Variants in MSR1 observed in about 807,000 individuals in gnomAD.
MSR1 encodes the protein macrophage scavenger receptor 1.
MSR1 carries 53 observed loss-of-function variants against 47.2 expected under a neutral mutation model. That is an observed-to-expected ratio of 1.12 (90% CI 0.90 to 1.41). MSR1 has a LOEUF of 1.41. MSR1 is among the 40% of genes most tolerant of loss of function. The probability of loss-of-function intolerance (pLI) is 0.00; values close to 1 mark genes in which losing one functional copy is unlikely to be tolerated. For missense variants in MSR1, 786 were observed against 546.9 expected (o/e 1.44, Z -4.36); for synonymous variants, 239 against 185.6 (o/e 1.29, Z -2.34).
rs926661491 is a variant in MSR1, at chr8:16,168,311, A to C, written c.630+147T>G. 3 of 779,760 alleles carry C rather than the reference A, an allele frequency of 3.8e-6. No individual in the cohort carries two copies. In the African/African-American group the frequency reaches 5.2e-5, roughly 14 times the overall value. 48.3% of individuals were successfully genotyped at this position (779,760 alleles called of 1,614,324 possible). ...ATTTTAAATCCCTTAACATTCGTTT[A>C]AAATCTGGATAAGTTAGCCATAGAA... On this transcript the variant is annotated intron_variant, in intron 4 of 9. Coordinates refer to ENST00000262101, the MANE Select transcript of MSR1 (RefSeq NM_138715.3).
Position 16,156,733 on chromosome 8 carries a change from A to G in MSR1, c.818-1589T>C, listed in dbSNP as rs141870926. Among the ~76,000 whole-genome samples, 890 of 151,994 alleles carry G rather than the reference A, an allele frequency of 5.9e-3. 14 individuals are homozygous for G. The highest frequency in any genetic ancestry group is 0.02 in the African/African-American group (811 of 41,500). On this transcript the variant is annotated intron_variant, in intron 5 of 9. Transcript: ENST00000262101. ...TTTTTTTTCCACATAATCGTCATGCAAACAACATGTTACAGGGCTTTTAGA... is the reference window on the plus strand; with the variant it reads ...TTTTTTTTCCACATAATCGTCATGCGAACAACATGTTACAGGGCTTTTAGA...
intron 8 of MSR1, among the ~76,000 whole-genome samples, chr8:16,134,221 C>T (rs1585147460): frequency 6.6e-6 from 1 of 152,170 alleles, no homozygotes. Context: ...ATTTATGTGG[C>T]TCTGATAGGG....
At chr8:16,169,347 A>G (rs1389827868) in intron 3 of MSR1, among the ~76,000 whole-genome samples, 1 of 152,190 alleles carries the variant, frequency 6.6e-6, no homozygotes, top group African/African-American at 2.4e-5. Context: ...CATGCATAAT[A>G]TGGATAAATT....
intron 5 of MSR1, among the ~76,000 whole-genome samples, chr8:16,158,293 T>C (rs1412845680): frequency 1.4e-4 from 22 of 152,038 alleles, no homozygotes; most frequent in Admixed American, 6.6e-5. Flanking sequence ...AAATCTACTA[T>C]GTAGCTTCCT....
intron 3 of MSR1, among the ~76,000 whole-genome samples, chr8:16,173,989 A>G (rs1395459304): frequency 6.6e-6 from 1 of 152,088 alleles, no homozygotes; most frequent in Admixed American, 6.5e-5. Flanking sequence ...GTTGTTTTAT[A>G]AAGACTTGAT....
At chr8:16,173,146 T>C (rs1801537047) in intron 3 of MSR1, among the ~76,000 whole-genome samples, 1 of 152,250 alleles carries the variant, frequency 6.6e-6, no homozygotes. Flanking sequence ...AGTCGGTACC[T>C]ACTGTAGTTT....
At chr8:16,140,261 A>G (rs4449796) in intron 8 of MSR1, 260,246 of 983,572 alleles carry the variant, frequency 0.26, 37,102 homozygotes, top group East Asian at 0.55. Context: ...GTGCAATAGA[A>G]CAAGGCTCTG....
chr8:16,136,913 A>C (rs1800404793), intron 8 of MSR1, among the ~76,000 whole-genome samples: 1 of 152,146 alleles, frequency 6.6e-6, no homozygotes, highest in South Asian at 2.1e-4. Flanking sequence ...ACCCACAGAA[A>C]GCTCTAAACA....
intron 7 of MSR1, among the ~76,000 whole-genome samples, chr8:16,147,971 C>A (rs571377923): frequency 6.6e-6 from 1 of 152,286 alleles, no homozygotes; most frequent in African/African-American, 2.4e-5. Flanking sequence ...CCTACTGCAT[C>A]AGAAACTCTG....
chr8:16,111,872 G>C (rs747771262), intron 9 of MSR1, among the ~76,000 whole-genome samples: 2 of 152,122 alleles, frequency 1.3e-5, no homozygotes, highest in Non-Finnish European at 2.9e-5. Context: ...AGTCGCACAG[G>C]ATTCTCACCC....
chr8:16,152,001 G>A (rs1800874093), intron 6 of MSR1, among the ~76,000 whole-genome samples: 1 of 152,122 alleles, frequency 6.6e-6, no homozygotes, highest in East Asian at 1.9e-4. Context: ...ATAGTTAAAA[G>A]AGCTCATACA....
intron 3 of MSR1, among the ~76,000 whole-genome samples, chr8:16,173,681 T>C (rs990701446): frequency 1.3e-5 from 2 of 152,218 alleles, no homozygotes; most frequent in East Asian, 1.9e-4. Context: ...GGAGTCTCGC[T>C]CTGTCCCCTC....
At chr8:16,112,721 CTGT>C (rs2117046457) in intron 9 of MSR1, among the ~76,000 whole-genome samples, 2 of 151,854 alleles carry the variant, frequency 1.3e-5, no homozygotes, top group African/African-American at 4.8e-5. Flanking sequence ...GGGGCTGTCA[CTGT>C]TATTATTTTT....
intron 6 of MSR1, 33 bp downstream of exon 6, chr8:16,155,031 C>T (rs750406837): frequency 2.6e-6 from 4 of 1,527,418 alleles, no homozygotes; most frequent in Non-Finnish European, 3.6e-6. Flanking sequence ...TCTATCTTCA[C>T]AGTATATGAT....
chr8:16,178,194 C>A (rs745355301), intron 1 of MSR1, among the ~76,000 whole-genome samples: 1 of 151,500 alleles, frequency 6.6e-6, no homozygotes, highest in Non-Finnish European at 1.5e-5. Flanking sequence ...TGTTGGTGTG[C>A]TGCACCCACA....
rs572577174 is a variant in MSR1, at chr8:16,175,306, A to G, written c.104-6T>C. On this transcript the variant is annotated splice_region_variant and splice_polypyrimidine_tract_variant and intron_variant, in intron 2 of 9. Coordinates refer to ENST00000262101, the MANE Select transcript of MSR1 (RefSeq NM_138715.3). The stretch of plus-strand genomic sequence containing the variant: ...GGAAGGGCTGTTTTTAGGATCTAAT[A>G]AAACAAAAAAGCCCAGCCTACTGTT... 5.6e-6 allele frequency: 9 copies of G among 1,609,890 alleles called. No homozygotes were observed. The East Asian group carries it at 1.1e-4, about 20-fold the overall frequency.
intron 9 of MSR1, among the ~76,000 whole-genome samples, chr8:16,112,117 A>G (rs1799769234): frequency 6.6e-6 from 1 of 152,106 alleles, no homozygotes; most frequent in Non-Finnish European, 1.5e-5. Flanking sequence ...TCTGATTCTT[A>G]TTCTGGTTAT....
At chr8:16,135,942 G>A (rs1416546356) in intron 8 of MSR1, among the ~76,000 whole-genome samples, 1 of 152,110 alleles carries the variant, frequency 6.6e-6, no homozygotes, top group Non-Finnish European at 1.5e-5. Flanking sequence ...CTGAATTGCT[G>A]CAATCGATAA....
chr8:16,152,451 G>A (rs557385374), intron 6 of MSR1, among the ~76,000 whole-genome samples: 28 of 152,204 alleles, frequency 1.8e-4, no homozygotes, highest in Admixed American at 1.0e-3. Context: ...TGGGTAAGAT[G>A]AGCTTTATTT....
Sources: gnomAD v4.1 joint callset for allele counts (sites outside exome capture counted in the v4.1 genomes callset) on GRCh38, gnomAD v4.1.1 for gene constraint, MANE v1.5 for transcripts, NCBI Gene and HGNC (gene_info 2026-07-23, HGNC 2026-07-21) for gene names.